The following SERPINA11 variants were observed in gnomAD, a reference collection of about 807,000 sequenced individuals.
SERPINA11 encodes serpin A11.
In SERPINA11, 28 loss-of-function variants were observed where a neutral mutation model predicts 29.4. The observed-to-expected ratio is 0.95, with a 90% CI of 0.70 to 1.30. The LOEUF (loss-of-function observed/expected upper bound fraction) is 1.30. Ranked by LOEUF, SERPINA11 falls within the 50% of genes most tolerant of loss-of-function variation. The pLI, the probability that SERPINA11 is intolerant of heterozygous loss-of-function variation, is 0.00. For synonymous variants in SERPINA11, 253 were observed against 206.6 expected (o/e 1.22, Z -1.92); for missense variants, 530 against 507.3 (o/e 1.04, Z -0.43).
At chr14:94,452,608 C>CAT (rs1898608256) in intron 1 of SERPINA11, 121 bp downstream of exon 1, 1 of 100,038 alleles carries the variant, frequency 1.0e-5, no homozygotes, top group African/African-American at 4.0e-5. Flanking sequence ...AACACACACA[C>CAT]ACACACACAC....
chr14:94,445,257 C>CT lies in SERPINA11; in HGVS notation c.917+1073dup, dbSNP rs574836056. On this transcript the variant is annotated intron_variant, in intron 3 of 4. Transcript: ENST00000334708. The stretch of plus-strand genomic sequence containing the variant: ...CCCATAGAACCAAGGAAGTGATTGT[C>CT]TTAAGTCATTCGGTTTTGGGGTGGC... Among the ~76,000 whole-genome samples the CT allele has an allele frequency of 2.9e-4, 44 of 152,246 alleles. No homozygotes were observed. The South Asian group carries it at 4.8e-3, about 17-fold the overall frequency.
At chr14:94,449,158 C>G (rs1898510818) in intron 1 of SERPINA11, among the ~76,000 whole-genome samples, 1 of 151,996 alleles carries the variant, frequency 6.6e-6, no homozygotes. Context: ...TGAGACCAGG[C>G]TGGGCAACAT....
At chr14:94,445,740 GT>G (rs5810679) in intron 3 of SERPINA11, among the ~76,000 whole-genome samples, 47,263 of 151,102 alleles carry the variant, frequency 0.31, 8,894 homozygotes, top group Non-Finnish European at 0.41. Flanking sequence ...AGCTATATAT[GT>G]TTTTTTTTCA....
intron 1 of SERPINA11, among the ~76,000 whole-genome samples, chr14:94,452,451 A>G (rs55911632): frequency 0.16 from 22,393 of 143,556 alleles, 2,004 homozygotes; most frequent in South Asian, 0.28. Flanking sequence ...TGGCAGGAAT[A>G]TTTGGGATTC....
chr14:94,442,541 G>C lies in SERPINA11; in HGVS notation c.*65C>G. 8.4e-7 allele frequency: 1 copy of C among 1,189,876 alleles called. No individual in the cohort carries two copies. The highest frequency in any genetic ancestry group is 1.2e-6 in the Non-Finnish European group (1 of 834,826). 73.7% of individuals were successfully genotyped at this position (1,189,876 alleles called of 1,614,324 possible). ...AACCACATAGCAGCCCCAGGATGCA[G>C]GCTGGTTCTGGCCTATCTGTTTGGT... On this transcript the variant is annotated 3_prime_UTR_variant, in exon 5 of 5. Transcript: ENST00000334708.
In SERPINA11 at chr14:94,448,017, A is replaced by G. The variant is rs112802426; in HGVS notation, c.643+115T>C. The G allele has an allele frequency of 3.2e-5, 33 of 1,031,356 alleles. 2 individuals carry two copies. Among genetic ancestry groups the G allele is most frequent in the African/African-American group, 2.1e-4 (13 of 62,774 alleles). The allele number at this position is 1,031,356 out of a possible 1,614,324, so 63.9% of individuals were successfully genotyped here. A position where few individuals can be genotyped will look rare whatever the true frequency, so the allele number is the denominator to read the frequency against. On this transcript the variant is annotated intron_variant, in intron 2 of 4. Coordinates refer to ENST00000334708, the MANE Select transcript of SERPINA11 (RefSeq NM_001080451.2). ...GGCTACGCAAGGGTGGGAAAGCTCT[A>G]TCTTATTCATAGATTTCCCCAAGTG...
intron 1 of SERPINA11, among the ~76,000 whole-genome samples, chr14:94,452,496 A>T (rs143782279): frequency 6.6e-6 from 1 of 152,106 alleles, no homozygotes; most frequent in East Asian, 1.9e-4. Flanking sequence ...CCATAAAAGG[A>T]GATTGAAAAC....
chr14:94,442,771 C>T lies in SERPINA11; in HGVS notation c.1104G>A (p.Gly368=), dbSNP rs1479821636. The T allele has an allele frequency of 4.3e-6, 7 of 1,612,166 alleles. No individual in the cohort carries two copies. Among genetic ancestry groups the T allele is most frequent in the South Asian group, 1.1e-5 (1 of 90,812 alleles). The change falls in exon 5 of 5, where the codon GGG becomes GGA. Residue 368 remains glycine, a synonymous_variant. Coordinates refer to ENST00000334708, the MANE Select transcript of SERPINA11 (RefSeq NM_001080451.2). Reference sequence around the variant, plus strand: ...GGCCTGAAGCAGCCCCGGCCTCGGTCCCCTTCTCACTCATGTCCACCATCG... The same window carrying T: ...GGCCTGAAGCAGCCCCGGCCTCGGTTCCCTTCTCACTCATGTCCACCATCG... ...HKAMVDMSEK[G]TEAGAASGLL... is the part of the protein sequence containing the mutation.
rs1455116507 is a variant in SERPINA11, at chr14:94,449,429, C to CTTTCTTTCTT, written c.-3-662_-3-653dup. ...CTATTCTTTCTTTCTTTCTTTCTTT[C>CTTTCTTTCTT]TTTCTTTCTTTCTTTCTTTCTTTCT... On this transcript the variant is annotated intron_variant, in intron 1 of 4. Transcript: ENST00000334708. Among the ~76,000 whole-genome samples, 38 of 95,916 alleles carry CTTTCTTTCTT rather than the reference C, an allele frequency of 4.0e-4. 1 individual carries two copies. The highest frequency in any genetic ancestry group is 2.4e-3 in the Admixed American group (23 of 9,390). The allele number at this position is 95,916 out of a possible 152,430, so 62.9% of individuals were successfully genotyped here.
At chr14:94,449,251 G>A (rs190758552) in intron 1 of SERPINA11, among the ~76,000 whole-genome samples, 11 of 152,164 alleles carry the variant, frequency 7.2e-5, no homozygotes, top group Non-Finnish European at 1.3e-4. Context: ...TGGGAGAATC[G>A]CTTGGGCCTG....
intron 1 of SERPINA11, among the ~76,000 whole-genome samples, chr14:94,451,437 T>C (rs149987753): frequency 7.9e-5 from 12 of 152,348 alleles, no homozygotes; most frequent in African/African-American, 2.6e-4. Flanking sequence ...AGATTTTCTT[T>C]TGATCGAAAA....
At chr14:94,451,501 T>C (rs1232605565) in intron 1 of SERPINA11, among the ~76,000 whole-genome samples, 1 of 152,218 alleles carries the variant, frequency 6.6e-6, no homozygotes, top group African/African-American at 2.4e-5. Context: ...TAAAATGAAG[T>C]GCCTGTAATG....
chr14:94,444,387 A>G (rs1281542510), intron 3 of SERPINA11, among the ~76,000 whole-genome samples: 1 of 152,186 alleles, frequency 6.6e-6, no homozygotes, highest in Non-Finnish European at 1.5e-5. Context: ...AAGATATTGT[A>G]ACTCTCTGGC....
At chr14:94,449,742 A>G (rs527383515) in intron 1 of SERPINA11, among the ~76,000 whole-genome samples, 7 of 152,140 alleles carry the variant, frequency 4.6e-5, no homozygotes, top group Admixed American at 2.6e-4. Context: ...CCTAGAGTTA[A>G]GGGTTTAATT....
At chr14:94,446,188 A>C in intron 3 of SERPINA11, 143 bp downstream of exon 3, 1 of 811,422 alleles carries the variant, frequency 1.2e-6, no homozygotes. Flanking sequence ...AAGGTGAGAA[A>C]ATTGCCAAGA....
In SERPINA11 at chr14:94,448,306, T is replaced by G; in HGVS notation, c.469A>C (p.Ile157Leu). 1.9e-6 allele frequency: 3 copies of G among 1,614,262 alleles called. No homozygotes were observed. In the South Asian group the frequency reaches 3.3e-5, roughly 18 times the overall value. Reference protein sequence around the residue: ...LKPRQHYLDSIKELYGAFAFS... With the variant: ...LKPRQHYLDSLKELYGAFAFS... ...GCAAAAGCTCCATAAAGCTCCTTGA[T>G]GCTGTCCAAATAGTGCTGCCGAGGC... Residue 157 changes from isoleucine (I) to leucine (L), a missense_variant, in exon 2 of 5, where the codon ATC (isoleucine) becomes CTC (leucine). Transcript: ENST00000334708.
Position 94,448,728 on chromosome 14 carries a change from G to A in SERPINA11, c.47C>T (p.Ser16Phe). Residue 16 changes from serine (S) to phenylalanine (F), a missense_variant, in exon 2 of 5, where the codon TCT becomes TTT. Ser to Phe is a radical substitution (Grantham distance 155). Coordinates refer to ENST00000334708, the MANE Select transcript of SERPINA11 (RefSeq NM_001080451.2). ...GGCAAGAAGGGGCTGACAGTGGACA[G>A]AGGCCAGGATCCCTGTTCCCAGTAG... The part of the protein sequence containing the change: ...LWLLGTGILA[S>F]VHCQPLLAHG... 1 of 1,521,906 alleles carries A rather than the reference G, an allele frequency of 6.6e-7. No individual in the cohort carries two copies. Among genetic ancestry groups the A allele is most frequent in the Non-Finnish European group, 8.8e-7 (1 of 1,136,568 alleles). 94.3% of individuals were successfully genotyped at this position (1,521,906 alleles called of 1,614,324 possible). A position where few individuals can be genotyped will look rare whatever the true frequency, so the allele number is the denominator to read the frequency against.
intron 1 of SERPINA11, among the ~76,000 whole-genome samples, chr14:94,449,479 T>G (rs55879538): frequency 0.041 from 3,434 of 84,004 alleles, 90 homozygotes; most frequent in South Asian, 0.065. Flanking sequence ...CTTTCTTTCT[T>G]TCTGTCTGTC....
At chr14:94,452,598 A>AAAACACACACACACACAC (rs1898606856) in intron 1 of SERPINA11, 131 bp downstream of exon 1, 1 of 120,098 alleles carries the variant, frequency 8.3e-6, no homozygotes, top group African/African-American at 3.2e-5. Flanking sequence ...CAAAGCCAGG[A>AAAACACACACACACACAC]ACACACACAC....
Sources: gnomAD v4.1 joint callset for allele counts (sites outside exome capture counted in the v4.1 genomes callset) on GRCh38, gnomAD v4.1.1 for gene constraint, MANE v1.5 for transcripts, NCBI Gene and HGNC (gene_info 2026-07-23, HGNC 2026-07-21) for gene names.